PDE1C: variants seen among roughly 807,000 people sequenced by gnomAD.
PDE1C encodes the protein phosphodiesterase 1C, also known as dual specificity calcium/calmodulin-dependent 3',5'-cyclic nucleotide phosphodiesterase 1C.
PDE1C carries 62 observed loss-of-function variants against 93.1 expected under a neutral mutation model. The observed-to-expected ratio is 0.67, with a 90% CI of 0.54 to 0.82. The LOEUF is 0.82. Ranked by LOEUF, PDE1C falls within the 40% of genes least tolerant of loss-of-function variation. PDE1C has a pLI of 0.00. For missense variants in PDE1C, 742 were observed against 884.6 expected, an observed-to-expected ratio of 0.84 and a Z score of 2.04; for synonymous variants, 325 against 310.1, an observed-to-expected ratio of 1.05 and a Z score of -0.50.
chr7:31,617,669 A>ATACTC, the PDE1C span, among the ~76,000 whole-genome samples: 3 of 151,954 alleles, frequency 2.0e-5, no homozygotes, highest in African/African-American at 7.2e-5. Context: ...AAAACCCACG[A>ATACTC]TACTCTTGTC....
chr7:31,700,471 C>T, the PDE1C span, among the ~76,000 whole-genome samples: 2 of 152,142 alleles, frequency 1.3e-5, no homozygotes, highest in African/African-American at 4.8e-5. Flanking sequence ...GGAAAGAAGC[C>T]ATCTCCCATA....
rs189547475 is a variant in PDE1C at position 32,285,383 on chromosome 7, A to G, written c.85+13268T>C. Among the ~76,000 whole-genome samples the G allele has an allele frequency of 1.1e-4, 16 of 152,358 alleles. 1 individual carries two copies. Among genetic ancestry groups the G allele is most frequent in the Non-Finnish European group, 2.1e-4 (14 of 68,040 alleles). On this transcript the variant is annotated intron_variant, in intron 1 of 18. Transcript: ENST00000396193. ...CCCAAGAGACTTAAAACATATGTCCACACAAAGACATGTATGTAAATATTT... is the reference window on the plus strand; with the variant it reads ...CCCAAGAGACTTAAAACATATGTCCGCACAAAGACATGTATGTAAATATTT...
intron 1 of PDE1C, among the ~76,000 whole-genome samples, chr7:32,218,178 G>A (rs1187886503): frequency 6.6e-6 from 1 of 152,092 alleles, no homozygotes. Flanking sequence ...GTTGAAATTT[G>A]TGCCCCAGAG....
At chr7:31,898,566 A>G (rs1344887973) in intron 2 of PDE1C, among the ~76,000 whole-genome samples, 1 of 152,186 alleles carries the variant, frequency 6.6e-6, no homozygotes, top group South Asian at 2.1e-4. Context: ...GCTGTCATAA[A>G]CTGTATTAAA....
chr7:31,743,399 G>C, the PDE1C span, among the ~76,000 whole-genome samples: 1 of 152,072 alleles, frequency 6.6e-6, no homozygotes, highest in Non-Finnish European at 1.5e-5. Flanking sequence ...CTGTCCTTCA[G>C]ATGCCTGAGG....
At chr7:31,806,602 G>A (rs536449791) in intron 16 of PDE1C, among the ~76,000 whole-genome samples, 19 of 151,922 alleles carry the variant, frequency 1.3e-4, no homozygotes, top group Non-Finnish European at 2.4e-4. Context: ...CATTATGCCA[G>A]GATGTAATTT....
intron 1 of PDE1C, among the ~76,000 whole-genome samples, chr7:32,265,176 T>C (rs2128882502): frequency 6.6e-6 from 1 of 152,368 alleles, no homozygotes; most frequent in East Asian, 1.9e-4. Context: ...GCTGTCTCAC[T>C]ACCCCTTAGC....
intron 1 of PDE1C, among the ~76,000 whole-genome samples, chr7:32,341,177 T>TTTTATTTTTTTTTTTA (rs1562682182): frequency 1.8e-5 from 2 of 109,406 alleles, no homozygotes; most frequent in Non-Finnish European, 3.9e-5. Context: ...TAAAGTCTTT[T>TTTTATTTTTTTTTTTA]TTTTTTTTTT....
intron 17 of PDE1C, among the ~76,000 whole-genome samples, chr7:31,774,895 T>A (rs948434349): frequency 6.6e-6 from 1 of 152,236 alleles, no homozygotes; most frequent in Admixed American, 6.5e-5. Context: ...TATCATTTTT[T>A]AAATTTTCTT....
intron 16 of PDE1C, among the ~76,000 whole-genome samples, chr7:31,803,285 G>T (rs1786306359): frequency 1.3e-5 from 2 of 151,660 alleles, no homozygotes; most frequent in South Asian, 4.1e-4. Context: ...TCTTCCATGT[G>T]TCTACTTCTG....
At chr7:32,047,059 CAG>C (rs963281480) in intron 2 of PDE1C, among the ~76,000 whole-genome samples, 13 of 75,702 alleles carry the variant, frequency 1.7e-4, no homozygotes, top group African/African-American at 2.7e-4. Flanking sequence ...GTGTGCGAGA[CAG>C]AGTGTGTGTG....
At chr7:32,301,454 T>C (rs1812879707), upstream of PDE1C, among the ~76,000 whole-genome samples, 1 of 152,218 alleles carries the variant, frequency 6.6e-6, no homozygotes, top group South Asian at 2.1e-4. Context: ...CAATCACTTC[T>C]CTGTCCCCTA....
rs1342025563 is a variant in PDE1C, at chr7:31,850,725, A to C, written c.767T>G (p.Leu256Arg). The part of the protein sequence containing the change: ...KTGVANWLTE[L>R]EIFAIIFSAA... ...TGAGAAGATTATAGCAAAGATCTCC[A>C]GCTCCGTCAGCCAGTTCTGAAAGGA... Residue 256 changes from leucine to arginine, a missense_variant, in exon 8 of 18, where the codon CTG becomes CGG. Physicochemically the swap from Leu to Arg is moderately radical, Grantham distance 102 (BLOSUM62 -2). Coordinates refer to ENST00000396191, the MANE Select transcript of PDE1C (RefSeq NM_001191057.4). 2 of 1,612,220 alleles carry C rather than the reference A, an allele frequency of 1.2e-6. No individual in the cohort carries two copies. Among genetic ancestry groups the C allele is most frequent in the Non-Finnish European group, 1.7e-6 (2 of 1,178,396 alleles).
At chr7:32,366,406 G>C (rs1784229517) in intron 1 of PDE1C, among the ~76,000 whole-genome samples, 1 of 151,982 alleles carries the variant, frequency 6.6e-6, no homozygotes, top group Admixed American at 6.6e-5. Context: ...AATGAAGAAA[G>C]CCTACGAGAT....
chr7:32,315,035 T>C (rs1454108517), intron 1 of PDE1C, among the ~76,000 whole-genome samples: 1 of 148,238 alleles, frequency 6.7e-6, no homozygotes, highest in Non-Finnish European at 1.5e-5. Flanking sequence ...CGGATGTGGC[T>C]TCTGACAATG....
At chr7:31,841,047 T>C (rs1791794495) in intron 9 of PDE1C, among the ~76,000 whole-genome samples, 1 of 152,110 alleles carries the variant, frequency 6.6e-6, no homozygotes, top group South Asian at 2.1e-4. Flanking sequence ...TCTCTCTATG[T>C]ATTTAGTTCC....
the PDE1C span, among the ~76,000 whole-genome samples, chr7:31,729,059 G>A: frequency 0.31 from 46,544 of 152,006 alleles, 7,962 homozygotes; most frequent in East Asian, 0.62. Flanking sequence ...CCTCTTTGGA[G>A]CCTTGCCTCC....
chr7:32,141,305 T>G (rs1461658249), intron 3 of PDE1C, among the ~76,000 whole-genome samples: 1 of 152,184 alleles, frequency 6.6e-6, no homozygotes, highest in East Asian at 1.9e-4. Flanking sequence ...GAATAGCTAC[T>G]GCACCCCAGC....
chr7:31,881,352 A>T (rs1051655614), intron 2 of PDE1C, among the ~76,000 whole-genome samples: 5 of 152,214 alleles, frequency 3.3e-5, no homozygotes, highest in Non-Finnish European at 7.3e-5. Context: ...GAAGGAATAG[A>T]TGAAAGTAAA....
Sources: allele counts gnomAD v4.1 joint callset (sites outside exome capture counted in the v4.1 genomes callset), GRCh38; gene constraint gnomAD v4.1.1; transcripts MANE v1.5; gene names NCBI Gene and HGNC (gene_info 2026-07-23, HGNC 2026-07-21).